The following CHD1 variants were observed in gnomAD, a reference collection of about 807,000 sequenced individuals.
The protein encoded by CHD1 is chromodomain helicase DNA binding protein 1.
In CHD1, 36 loss-of-function variants were observed where a neutral mutation model predicts 224.2. The ratio of observed to expected loss-of-function variants is 0.16; its 90% CI spans 0.12 to 0.21. The LOEUF is 0.21. CHD1 is among the 10% of genes least tolerant of loss of function. CHD1 has a pLI of 1.00. For missense variants in CHD1, 1,378 were observed against 1,994.8 expected (o/e 0.69, Z 5.89); for synonymous variants, 668 against 658.3 (o/e 1.01, Z -0.23).
rs928013036 is a variant in CHD1, at chr5:98,863,426, T to C, written c.4409A>G (p.Gln1470Arg). The C allele has an allele frequency of 6.4e-7, 1 of 1,554,842 alleles. No individual in the cohort carries two copies. Among genetic ancestry groups the C allele is most frequent in the Non-Finnish European group, 8.7e-7 (1 of 1,150,726 alleles). Residue 1470 changes from glutamine to arginine, a missense_variant, in exon 32 of 36, where the codon CAA becomes CGA. By Grantham distance (43) the Gln-to-Arg change is conservative. Coordinates refer to ENST00000614616, the MANE Select transcript of CHD1 (RefSeq NM_001270.4). ...CACTTACTTTCTCCATTGCTTAATT[T>C]GTTCAGGATTTGTATACTCTTTTAG... ...ECLKEYTNPEQIKQWRKNLWI... is the reference protein window; with the variant it reads ...ECLKEYTNPERIKQWRKNLWI...
intron 22 of CHD1, among the ~76,000 whole-genome samples, chr5:98,880,537 G>T (rs1302315893): frequency 6.6e-6 from 1 of 152,152 alleles, no homozygotes; most frequent in African/African-American, 2.4e-5. Context: ...AGAGAAACCT[G>T]TTTCTTCAAA....
chr5:98,897,398 A>T, intron 10 of CHD1, 78 bp from the exon 11 acceptor site: 2 of 1,046,636 alleles, frequency 1.9e-6, no homozygotes, highest in South Asian at 3.3e-5. Context: ...CCTCAGCTTT[A>T]CCATAAATTC....
chr5:98,888,827 T>C (rs1432975678), intron 16 of CHD1, among the ~76,000 whole-genome samples: 1 of 152,230 alleles, frequency 6.6e-6, no homozygotes, highest in African/African-American at 2.4e-5. Context: ...GGGATTTTCT[T>C]GCTGGATAAG....
At position 98,858,288 on chromosome 5, in the gene CHD1, C is replaced by G. The variant is rs72775611; in HGVS notation, c.4679G>C (p.Arg1560Pro). ...LTQYHDHHKDRHQGDSYKKSD... is the reference protein window; with the variant it reads ...LTQYHDHHKDPHQGDSYKKSD... ...TTTTTTGTAAGAATCTCCCTGATGT[C>G]GGTCTTTATGATGATCATGGTACTG... Residue 1560 changes from arginine to proline, a missense_variant, in exon 35 of 36, where the codon CGA becomes CCA. Coordinates refer to ENST00000614616, the MANE Select transcript of CHD1 (RefSeq NM_001270.4). The G allele has an allele frequency of 3.7e-6, 6 of 1,612,860 alleles. No homozygotes were observed. The highest frequency in any genetic ancestry group is 4.2e-6 in the Non-Finnish European group (5 of 1,179,052).
chr5:98,858,108 C>T, intron 35 of CHD1, 72 bp downstream of exon 35: 1 of 1,206,528 alleles, frequency 8.3e-7, no homozygotes, highest in Non-Finnish European at 1.2e-6. Flanking sequence ...GCTGACAGGT[C>T]AAATACAGGA....
chr5:98,916,545 C>CAAAA (rs33988135), intron 2 of CHD1, among the ~76,000 whole-genome samples: 3 of 40,392 alleles, frequency 7.4e-5, no homozygotes, highest in South Asian at 1.4e-3. Context: ...AACTCCGTCT[C>CAAAA]AAAAAAAAAA....
At chr5:98,873,791 T>G in intron 25 of CHD1, 68 bp from the exon 26 acceptor site, 1 of 1,417,512 alleles carries the variant, frequency 7.1e-7, no homozygotes. Flanking sequence ...AGATTAAGTT[T>G]CACTCTATTT....
chr5:98,886,386 A>G (rs1365041672), intron 17 of CHD1, among the ~76,000 whole-genome samples: 1 of 152,230 alleles, frequency 6.6e-6, no homozygotes, highest in Non-Finnish European at 1.5e-5. Context: ...TTCATAGACT[A>G]TAGAGAACTC....
intron 22 of CHD1, among the ~76,000 whole-genome samples, chr5:98,880,725 G>C (rs974799577): frequency 2.0e-5 from 3 of 152,086 alleles, no homozygotes; most frequent in Admixed American, 6.5e-5. Context: ...GTCAAAAACT[G>C]CTTCAAAAAA....
At chr5:98,874,525 C>A (rs1438588061) in intron 25 of CHD1, among the ~76,000 whole-genome samples, 22 of 131,884 alleles carry the variant, frequency 1.7e-4, no homozygotes, top group East Asian at 2.1e-4. Context: ...TATGGTGAAA[C>A]CCCGTCTCTA....
intron 3 of CHD1, 37 bp downstream of exon 3, chr5:98,904,860 A>C (rs765897662): frequency 9.4e-6 from 15 of 1,594,682 alleles, no homozygotes; most frequent in African/African-American, 1.3e-5. Flanking sequence ...AAAGTAATAC[A>C]AGCAATCTAC....
At chr5:98,883,411 TAC>T (rs1750344508) in intron 18 of CHD1, among the ~76,000 whole-genome samples, 174 bp from the exon 19 acceptor site, 1 of 152,188 alleles carries the variant, frequency 6.6e-6, no homozygotes, top group East Asian at 1.9e-4. Flanking sequence ...CCAAATTCAA[TAC>T]AGTGTTTACT....
chr5:98,858,357 T>C lies in CHD1; in HGVS notation c.4610A>G (p.Asp1537Gly). The change falls in exon 35 of 36, where the codon GAT becomes GGT. Residue 1537 changes from aspartate to glycine, a missense_variant. By Grantham distance (94) the Asp-to-Gly change is moderately conservative. Coordinates refer to ENST00000614616, the MANE Select transcript of CHD1 (RefSeq NM_001270.4). Reference protein sequence around the residue: ...VERLKENTNHDDSSRDSYSSD... With the variant: ...VERLKENTNHGDSSRDSYSSD... ...GGAATAACTGTCCCTGCTGCTATCATCGTGATTTGTATTCTCTTTTAATCT... is the reference window on the plus strand; with the variant it reads ...GGAATAACTGTCCCTGCTGCTATCACCGTGATTTGTATTCTCTTTTAATCT... 1 of 1,612,990 alleles carries C rather than the reference T, an allele frequency of 6.2e-7. No individual in the cohort carries two copies. Among genetic ancestry groups the C allele is most frequent in the Non-Finnish European group, 8.5e-7 (1 of 1,179,096 alleles).
At chr5:98,868,165 C>CA (rs1749041833) in intron 31 of CHD1, among the ~76,000 whole-genome samples, 1 of 151,168 alleles carries the variant, frequency 6.6e-6, no homozygotes, top group Non-Finnish European at 1.5e-5. Context: ...CCCATCTTTA[C>CA]AAAAAACTAA....
At chr5:98,903,986 T>C in intron 3 of CHD1, 78 bp from the exon 4 acceptor site, 1 of 820,798 alleles carries the variant, frequency 1.2e-6, no homozygotes, top group Non-Finnish European at 2.0e-6. Context: ...TGAAAAACTA[T>C]ACCACCATCT....
intron 14 of CHD1, 94 bp from the exon 15 acceptor site, chr5:98,892,807 C>A: frequency 1.5e-6 from 1 of 663,990 alleles, no homozygotes; most frequent in Admixed American, 3.4e-5. Context: ...CATTTATAAA[C>A]AAAATACTAC....
intron 2 of CHD1, among the ~76,000 whole-genome samples, chr5:98,918,605 G>A (rs868400569): frequency 2.1e-4 from 32 of 150,464 alleles, no homozygotes; most frequent in African/African-American, 6.3e-4. Context: ...CCGTCTGTAC[G>A]AAAAATACAA....
chr5:98,928,354 T>C (rs1198794360), intron 1 of CHD1, among the ~76,000 whole-genome samples, 185 bp downstream of exon 1: 1 of 151,944 alleles, frequency 6.6e-6, no homozygotes, highest in Non-Finnish European at 1.5e-5. Context: ...GGCCCCGGCC[T>C]GTACTCGCCG....
chr5:98,907,494 A>G (rs1357563683), intron 2 of CHD1, among the ~76,000 whole-genome samples: 1 of 150,364 alleles, frequency 6.7e-6, no homozygotes, highest in Non-Finnish European at 1.5e-5. Context: ...AGGCTGAGGC[A>G]GGAGAATCAC....
Sources: gnomAD v4.1 joint callset for allele counts (sites outside exome capture counted in the v4.1 genomes callset) on GRCh38, gnomAD v4.1.1 for gene constraint, MANE v1.5 for transcripts, NCBI Gene and HGNC (gene_info 2026-07-23, HGNC 2026-07-21) for gene names.